The following DPY19L4 variants were observed in gnomAD, a reference collection of about 807,000 sequenced individuals.
DPY19L4 encodes probable C-mannosyltransferase DPY19L4.
In DPY19L4, 97 loss-of-function variants were observed where a neutral mutation model predicts 102.8. The ratio of observed to expected loss-of-function variants is 0.94; its 90% confidence interval spans 0.80 to 1.12. The LOEUF (loss-of-function observed/expected upper bound fraction) is 1.12, where lower values mean the gene tolerates loss of function less well. Among genes scored for constraint, DPY19L4 ranks in the 50% most tolerant of loss-of-function variants. The pLI, the probability that DPY19L4 is intolerant of heterozygous loss-of-function variation, is 0.00. For synonymous variants in DPY19L4, 252 were observed against 283.1 expected (o/e 0.89, Z 1.10); for missense variants, 815 against 850.4 (o/e 0.96, Z 0.52).
rs1051092615 is a variant in DPY19L4, at chr8:94,751,736, C to T, written c.612-4300C>T. ...AACTCCTGGGCTCAAACGATTCAGA[C>T]GCCTCAGCCTCCCAAAGAGCTGGGA... On this transcript the variant is annotated intron_variant, in intron 6 of 18. Transcript: ENST00000414645. 4.6e-5 allele frequency among the ~76,000 whole-genome samples: 7 copies of T among 151,990 alleles called. No individual in the cohort carries two copies. In the South Asian group the frequency reaches 1.0e-3, roughly 23 times the overall value.
At chr8:94,764,326 C>T (rs1173265995) in intron 8 of DPY19L4, among the ~76,000 whole-genome samples, 1 of 151,880 alleles carries the variant, frequency 6.6e-6, no homozygotes, top group Non-Finnish European at 1.5e-5. Context: ...CCTGTAATCC[C>T]AGCACTTTGG....
At chr8:94,720,378 A>G (rs1018044195) in intron 1 of DPY19L4, 11 of 583,876 alleles carry the variant, frequency 1.9e-5, no homozygotes, top group African/African-American at 4.0e-5. Context: ...TACTCAGTGC[A>G]TATTTGGAAT....
At chr8:94,766,951 T>C (rs1373322136) in intron 11 of DPY19L4, among the ~76,000 whole-genome samples, 1 of 151,782 alleles carries the variant, frequency 6.6e-6, no homozygotes, top group Admixed American at 6.6e-5. Context: ...ATGCCTGTGG[T>C]TCCAGCTATT....
At position 94,787,926 on chromosome 8, in the gene DPY19L4, G is replaced by T. The variant is rs761446570; in HGVS notation, c.1881G>T (p.Glu627Asp). 6.9e-7 allele frequency: 1 copy of T among 1,455,104 alleles called. No individual in the cohort carries two copies. The highest frequency in any genetic ancestry group is 1.6e-5 in the South Asian group (1 of 62,234). The allele number at this position is 1,455,104 out of a possible 1,614,324, so 90.1% of individuals were successfully genotyped here. A position where few individuals can be genotyped will look rare whatever the true frequency, so the allele number is the denominator to read the frequency against. The change falls in exon 18 of 19, where the codon GAG becomes GAT. Residue 627 changes from glutamate to aspartate, a missense_variant. Physicochemically the swap from Glu to Asp is conservative, Grantham distance 45 (BLOSUM62 2). Transcript: ENST00000414645. ...AAATCTATTCAAAGCGATCTGCTGA[G>T]GATATTTATAAAATACTGACATCTT... ...IYQIYSKRSA[E>D]DIYKILTSYK... is the part of the protein sequence containing the mutation.
intron 2 of DPY19L4, among the ~76,000 whole-genome samples, chr8:94,731,121 A>G (rs1440562738): frequency 6.6e-6 from 1 of 151,828 alleles, no homozygotes; most frequent in Non-Finnish European, 1.5e-5. Flanking sequence ...GGTTGAATAT[A>G]CTTTTTATAA....
At chr8:94,742,219 G>T (rs1811473681) in intron 6 of DPY19L4, among the ~76,000 whole-genome samples, 1 of 151,994 alleles carries the variant, frequency 6.6e-6, no homozygotes, top group Non-Finnish European at 1.5e-5. Context: ...TTAGCCAAGT[G>T]TGGTGGCGGG....
chr8:94,733,541 TG>T (rs1180373376), intron 2 of DPY19L4, among the ~76,000 whole-genome samples: 1 of 151,864 alleles, frequency 6.6e-6, no homozygotes, highest in Non-Finnish European at 1.5e-5. Flanking sequence ...ATCTTATTTT[TG>T]TATTTTATTA....
At chr8:94,785,166 TTAAG>T (rs758724465) in intron 17 of DPY19L4, among the ~76,000 whole-genome samples, 6 of 152,332 alleles carry the variant, frequency 3.9e-5, no homozygotes, top group South Asian at 2.1e-4. Context: ...AATCTCGAGA[TTAAG>T]TGAGAATAAT....
chr8:94,765,097 A>G (rs1321630569), intron 8 of DPY19L4, 86 bp from the exon 9 acceptor site: 69 of 991,712 alleles, frequency 7.0e-5, no homozygotes, highest in Non-Finnish European at 1.0e-4. Flanking sequence ...TAACTGTATA[A>G]TTATAGTTAA....
At chr8:94,755,563 G>A (rs2130861184) in intron 6 of DPY19L4, among the ~76,000 whole-genome samples, 1 of 152,304 alleles carries the variant, frequency 6.6e-6, no homozygotes, top group African/African-American at 2.4e-5. Context: ...GGCTGGGGGT[G>A]AGACCCTATT....
chr8:94,772,013 G>A (rs1208376579), intron 13 of DPY19L4, among the ~76,000 whole-genome samples: 1 of 152,028 alleles, frequency 6.6e-6, no homozygotes, highest in Non-Finnish European at 1.5e-5. Context: ...ATTTAGATAA[G>A]TTATGTAATA....
At chr8:94,737,290 A>T (rs1325908739) in intron 3 of DPY19L4, among the ~76,000 whole-genome samples, 1 of 151,900 alleles carries the variant, frequency 6.6e-6, no homozygotes, top group African/African-American at 2.4e-5. Context: ...GGTTCAAGCG[A>T]TTCTCCCACC....
At chr8:94,728,020 G>A (rs1376764079) in intron 2 of DPY19L4, among the ~76,000 whole-genome samples, 1 of 151,958 alleles carries the variant, frequency 6.6e-6, no homozygotes, top group Non-Finnish European at 1.5e-5. Context: ...GGAGTGCCAT[G>A]GTGCGGTCTC....
At chr8:94,787,798 C>G in intron 17 of DPY19L4, 96 bp from the exon 18 acceptor site, 1 of 499,848 alleles carries the variant, frequency 2.0e-6, no homozygotes, top group Non-Finnish European at 2.9e-6. Context: ...ACAGTAGATG[C>G]TTGATGTATA....
At chr8:94,745,312 A>C (rs1811624088) in intron 6 of DPY19L4, among the ~76,000 whole-genome samples, 1 of 147,644 alleles carries the variant, frequency 6.8e-6, no homozygotes, top group East Asian at 1.9e-4. Context: ...TCCAGGTTCC[A>C]CGTAGAAGCA....
At chr8:94,724,649 C>T (rs1238225927) in intron 1 of DPY19L4, among the ~76,000 whole-genome samples, 2 of 148,708 alleles carry the variant, frequency 1.3e-5, no homozygotes, top group African/African-American at 5.0e-5. Context: ...AGTGCAGTAG[C>T]GCGATCTCGG....
intron 16 of DPY19L4, among the ~76,000 whole-genome samples, chr8:94,782,140 TA>T (rs1317814912): frequency 6.6e-6 from 1 of 152,178 alleles, no homozygotes; most frequent in Non-Finnish European, 1.5e-5. Flanking sequence ...TTACAAACAA[TA>T]AACATTTGTT....
chr8:94,777,330 G>A (rs923470278), intron 13 of DPY19L4, among the ~76,000 whole-genome samples: 12 of 152,138 alleles, frequency 7.9e-5, no homozygotes. Context: ...GCCTCCCAAA[G>A]TGCTGGGATT....
At chr8:94,739,591 A>G in intron 5 of DPY19L4, 54 bp from the exon 6 acceptor site, 1 of 1,602,086 alleles carries the variant, frequency 6.2e-7, no homozygotes, top group Non-Finnish European at 8.5e-7. Context: ...ATGAATCCTC[A>G]AATTATTTAA....
Sources: allele counts gnomAD v4.1 joint callset (sites outside exome capture counted in the v4.1 genomes callset), GRCh38; gene constraint gnomAD v4.1.1; transcripts MANE v1.5; gene names NCBI Gene and HGNC (gene_info 2026-07-23, HGNC 2026-07-21).